Variants in MKLN1 observed in about 807,000 individuals in gnomAD.
MKLN1 encodes the protein muskelin 1.
MKLN1 carries 18 observed loss-of-function variants against 99.0 expected under a neutral mutation model. The ratio of observed to expected loss-of-function variants is 0.18; its 90% CI spans 0.13 to 0.27. MKLN1 has a LOEUF of 0.27. Ranked by LOEUF, MKLN1 falls within the 10% of genes least tolerant of loss-of-function variation. MKLN1 has a pLI of 1.00. For synonymous variants in MKLN1, 288 were observed against 293.2 expected (o/e 0.98, Z 0.18); for missense variants, 621 against 875.9 (o/e 0.71, Z 3.67).
chr7:131,414,589 T>C (rs1794963225), intron 7 of MKLN1, 56 bp from the exon 8 acceptor site: 1 of 1,222,610 alleles, frequency 8.2e-7, no homozygotes. Context: ...ATAAATTTAC[T>C]CTGGATATGC....
chr7:131,362,907 T>A (rs971150910), intron 1 of MKLN1, among the ~76,000 whole-genome samples: 1 of 151,974 alleles, frequency 6.6e-6, no homozygotes, highest in African/African-American at 2.4e-5. Flanking sequence ...GGCCATACTA[T>A]TTTTGAGCTG....
intron 3 of MKLN1, among the ~76,000 whole-genome samples, chr7:131,227,786 G>T (rs772882668): frequency 6.6e-6 from 1 of 151,894 alleles, no homozygotes; most frequent in Non-Finnish European, 1.5e-5. Flanking sequence ...GGCTGGTCTC[G>T]AACTCCTGGC....
intron 1 of MKLN1, among the ~76,000 whole-genome samples, chr7:131,135,036 T>C (rs527743595): frequency 1.3e-5 from 2 of 152,352 alleles, no homozygotes; most frequent in African/African-American, 4.8e-5. Flanking sequence ...TTTCATCCTA[T>C]TCCTCTTACA....
rs556018795 is a variant in MKLN1, at chr7:131,294,637, G to A, written c.-178-80787G>A. Among the ~76,000 whole-genome samples, 11 of 152,308 alleles carry A rather than the reference G, an allele frequency of 7.2e-5. 1 individual carries two copies. In the East Asian group the frequency reaches 2.1e-3, roughly 29 times the overall value. On this transcript the variant is annotated intron_variant, in intron 3 of 7. Coordinates refer to the MKLN1 transcript ENST00000416992. ...ACCAGGTGTGGAGAGCTAGGGCTGA[G>A]GAAGGGGGCTTCTCTCAGCCTGAGA...
chr7:131,290,108 C>T (rs951238000), intron 3 of MKLN1, among the ~76,000 whole-genome samples: 6 of 152,296 alleles, frequency 3.9e-5, no homozygotes, highest in Admixed American at 3.3e-4. Context: ...GAGTTCAAGA[C>T]CAGCCTGACC....
intron 3 of MKLN1, among the ~76,000 whole-genome samples, chr7:131,213,104 C>T (rs766025313): frequency 2.1e-4 from 32 of 152,012 alleles, no homozygotes; most frequent in Non-Finnish European, 3.4e-4. Context: ...CTGGAAGTTG[C>T]AATACGTGAT....
intron 2 of MKLN1, among the ~76,000 whole-genome samples, chr7:131,177,490 G>A (rs561902007): frequency 6.7e-6 from 1 of 148,764 alleles, no homozygotes; most frequent in Non-Finnish European, 1.5e-5. Context: ...AAAAAAGATT[G>A]CATATTCCCT....
chr7:131,139,607 G>A (rs1795701391), intron 1 of MKLN1, among the ~76,000 whole-genome samples: 1 of 152,178 alleles, frequency 6.6e-6, no homozygotes, highest in South Asian at 2.1e-4. Flanking sequence ...CCTGATACAT[G>A]GGCTGTGACA....
At chr7:131,220,729 T>TA (rs1797048120) in intron 3 of MKLN1, among the ~76,000 whole-genome samples, 1 of 152,102 alleles carries the variant, frequency 6.6e-6, no homozygotes, top group Non-Finnish European at 1.5e-5. Context: ...ATTAGAGGTC[T>TA]AAAAAACATC....
intron 3 of MKLN1, among the ~76,000 whole-genome samples, chr7:131,241,074 C>A (rs890854193): frequency 6.6e-6 from 1 of 152,108 alleles, no homozygotes; most frequent in East Asian, 1.9e-4. Context: ...GTCATGGCAG[C>A]CCTTGGTGAG....
chr7:131,262,762 G>A (rs776668980), intron 3 of MKLN1, among the ~76,000 whole-genome samples: 22 of 151,946 alleles, frequency 1.4e-4, no homozygotes, highest in Non-Finnish European at 2.9e-5. Flanking sequence ...CGTTGGCCAG[G>A]ATGGTCTCCA....
At chr7:131,184,020 T>C (rs946005438) in intron 2 of MKLN1, among the ~76,000 whole-genome samples, 1 of 151,298 alleles carries the variant, frequency 6.6e-6, no homozygotes, top group African/African-American at 2.4e-5. Context: ...AGAAGAAGAG[T>C]TACTTTTTTT....
At chr7:131,337,810 C>T (rs1799294357) in intron 1 of MKLN1, among the ~76,000 whole-genome samples, 1 of 151,194 alleles carries the variant, frequency 6.6e-6, no homozygotes, top group Admixed American at 6.6e-5. Flanking sequence ...TGGATAATAA[C>T]ATAATAGTAA....
At chr7:131,445,640 T>C (rs958201946) in intron 11 of MKLN1, 134 bp from the exon 12 acceptor site, 1 of 624,360 alleles carries the variant, frequency 1.6e-6, no homozygotes. Flanking sequence ...CTTTCCCTTT[T>C]ATTCCAGCAT....
intron 3 of MKLN1, among the ~76,000 whole-genome samples, chr7:131,292,754 A>G (rs1798239359): frequency 6.6e-6 from 1 of 152,178 alleles, no homozygotes; most frequent in Non-Finnish European, 1.5e-5. Context: ...TTTTTAAGCC[A>G]CCCAATTTGT....
At chr7:131,406,299 AATTTT>A (rs201215784) in intron 6 of MKLN1, among the ~76,000 whole-genome samples, 2,451 of 151,930 alleles carry the variant, frequency 0.016, 45 homozygotes, top group African/African-American at 0.053. Context: ...AAATAAAGAA[AATTTT>A]ATTTTATTAA....
intron 3 of MKLN1, among the ~76,000 whole-genome samples, chr7:131,225,028 G>C (rs911847465): frequency 6.6e-6 from 1 of 151,108 alleles, no homozygotes; most frequent in African/African-American, 2.4e-5. Context: ...AGCCAAGATC[G>C]TGCCACTGCA....
intron 2 of MKLN1, among the ~76,000 whole-genome samples, chr7:131,146,488 G>GTAATATGTAAT (rs1795816798): frequency 6.6e-6 from 1 of 152,146 alleles, no homozygotes; most frequent in Non-Finnish European, 1.5e-5. Flanking sequence ...ATAGTACATA[G>GTAATATGTAAT]ATTCCCTCTA....
intron 16 of MKLN1, among the ~76,000 whole-genome samples, chr7:131,471,349 G>GA (rs1796815594): frequency 6.6e-6 from 1 of 152,192 alleles, no homozygotes; most frequent in South Asian, 2.1e-4. Flanking sequence ...TGCTTAGGGA[G>GA]AAAATGAAGA....
Sources: allele counts gnomAD v4.1 joint callset (sites outside exome capture counted in the v4.1 genomes callset), GRCh38; gene constraint gnomAD v4.1.1; transcripts MANE v1.5; gene names NCBI Gene and HGNC (gene_info 2026-07-23, HGNC 2026-07-21).